Variants in TBC1D12 observed in about 807,000 individuals in gnomAD.
TBC1D12 encodes the protein TBC1 domain family, member 12.
In TBC1D12, 56 loss-of-function variants were observed where a neutral mutation model predicts 86.7. The ratio of observed to expected loss-of-function variants is 0.65; its 90% confidence interval spans 0.52 to 0.81. The LOEUF (loss-of-function observed/expected upper bound fraction) is 0.81, where lower values mean the gene tolerates loss of function less well. Among genes scored for constraint, TBC1D12 ranks in the 30% least tolerant of loss-of-function variants. The pLI is 0.00. For synonymous variants in TBC1D12, 421 were observed against 411.7 expected, an observed-to-expected ratio of 1.02 and a Z score of -0.27; for missense variants, 1,023 against 1,038.8, an observed-to-expected ratio of 0.98 and a Z score of 0.21.
Position 94,533,269 on chromosome 10 carries a change from T to C in TBC1D12, c.*173T>C, listed in dbSNP as rs1564997867. 6.3e-6 allele frequency: 3 copies of C among 473,228 alleles called. No homozygotes were observed. Among genetic ancestry groups the C allele is most frequent in the African/African-American group, 2.0e-5 (1 of 49,754 alleles). 29.3% of individuals were successfully genotyped at this position (473,228 alleles called of 1,614,324 possible). A position where few individuals can be genotyped will look rare whatever the true frequency, so the allele number is the denominator to read the frequency against. On this transcript the variant is annotated 3_prime_UTR_variant, in exon 13 of 13. Coordinates refer to ENST00000225235, the MANE Select transcript of TBC1D12 (RefSeq NM_015188.2). ...TGAAGTAAATGAAATAAGTAACTTATTGACAGTATTAATAAACTATTATTT... is the reference window on the plus strand; with the variant it reads ...TGAAGTAAATGAAATAAGTAACTTACTGACAGTATTAATAAACTATTATTT...
chr10:94,454,966 A>C (rs144905552), intron 2 of TBC1D12, among the ~76,000 whole-genome samples: 43 of 152,280 alleles, frequency 2.8e-4, no homozygotes, highest in Admixed American at 2.6e-4. Flanking sequence ...CTGACCTTAG[A>C]GAGACAGCTT....
chr10:94,448,413 A>C (rs1294344067), intron 2 of TBC1D12, among the ~76,000 whole-genome samples: 1 of 152,228 alleles, frequency 6.6e-6, no homozygotes, highest in East Asian at 1.9e-4. Context: ...TTACTGCAAA[A>C]ACAAAACAAT....
chr10:94,514,038 TCAAAAAAAAAA>T lies in TBC1D12; in HGVS notation c.1761+2396_1761+2406del, dbSNP rs1310360715. Among the ~76,000 whole-genome samples the T allele has an allele frequency of 2.6e-5, 3 of 116,906 alleles. No homozygotes were observed. The South Asian group carries it at 9.7e-4, about 38-fold the overall frequency. The allele number at this position is 116,906 out of a possible 152,430, so 76.7% of individuals were successfully genotyped here. A position where few individuals can be genotyped will look rare whatever the true frequency, so the allele number is the denominator to read the frequency against. ...TATTTGCCATGTTGTGTAATAAATC[TCAAAAAAAAAA>T]CAAAAAAAAAAAAACAGGCCAGGCA... On this transcript the variant is annotated intron_variant, in intron 9 of 12. Transcript: ENST00000225235.
Position 94,456,950 on chromosome 10 carries a change from G to A in TBC1D12, c.1095+14931G>A, listed in dbSNP as rs1020476304. On this transcript the variant is annotated intron_variant, in intron 2 of 12. Coordinates refer to ENST00000225235, the MANE Select transcript of TBC1D12 (RefSeq NM_015188.2). Reference sequence around the variant, plus strand: ...TATTCCTGATAACTTTCCTTGCTCCGAAGTCTGCTCTGTCTGAGATTACTA... The same window carrying A: ...TATTCCTGATAACTTTCCTTGCTCCAAAGTCTGCTCTGTCTGAGATTACTA... Among the ~76,000 whole-genome samples the A allele has an allele frequency of 7.2e-5, 11 of 152,104 alleles. 1 individual carries two copies. In the South Asian group the frequency reaches 1.2e-3, roughly 17 times the overall value.
intron 1 of TBC1D12, among the ~76,000 whole-genome samples, chr10:94,427,928 A>G (rs2055169300): frequency 6.6e-6 from 1 of 152,076 alleles, no homozygotes; most frequent in African/African-American, 2.4e-5. Context: ...GAAATAAGAC[A>G]TAAGGTGACT....
intron 9 of TBC1D12, among the ~76,000 whole-genome samples, chr10:94,512,152 T>A (rs1303275751): frequency 6.6e-6 from 1 of 152,246 alleles, no homozygotes; most frequent in Non-Finnish European, 1.5e-5. Context: ...CTGAATTGGC[T>A]TGCTGATTAT....
chr10:94,505,544 G>A (rs1187180610), intron 6 of TBC1D12, among the ~76,000 whole-genome samples: 2 of 152,146 alleles, frequency 1.3e-5, no homozygotes, highest in Non-Finnish European at 2.9e-5. Flanking sequence ...CTGCATTCCA[G>A]TCTGGGCAAC....
intron 2 of TBC1D12, among the ~76,000 whole-genome samples, chr10:94,468,801 G>A (rs546921596): frequency 6.0e-4 from 91 of 152,088 alleles, no homozygotes; most frequent in Non-Finnish European, 1.1e-3. Context: ...AATTTAGGCT[G>A]CTTCATAGTG....
chr10:94,481,772 A>C (rs1433323443), intron 3 of TBC1D12, among the ~76,000 whole-genome samples: 1 of 149,018 alleles, frequency 6.7e-6, no homozygotes, highest in Non-Finnish European at 1.5e-5. Flanking sequence ...GAAGAGGCCA[A>C]GTTTTGGCCT....
intron 3 of TBC1D12, among the ~76,000 whole-genome samples, chr10:94,483,270 A>T (rs2056106001): frequency 6.6e-6 from 1 of 152,132 alleles, no homozygotes; most frequent in African/African-American, 2.4e-5. Context: ...TCTTTTGGGT[A>T]TATACCTAGC....
In TBC1D12 at chr10:94,493,472, A is replaced by G. The variant is rs191377106; in HGVS notation, c.1294+25A>G. 1.9e-5 allele frequency: 29 copies of G among 1,520,002 alleles called. No homozygotes were observed. In the Admixed American group the frequency reaches 3.7e-4, roughly 19 times the overall value. 94.2% of individuals were successfully genotyped at this position (1,520,002 alleles called of 1,614,324 possible). ...GGTATAAAATTTAACTCCAAATGGT[A>G]TAATTTTCTGATTTTAATAAGAAGA... On this transcript the variant is annotated intron_variant, in intron 4 of 12. Transcript: ENST00000225235.
chr10:94,413,590 G>C (rs949905404), intron 1 of TBC1D12, among the ~76,000 whole-genome samples: 1 of 152,096 alleles, frequency 6.6e-6, no homozygotes, highest in African/African-American at 2.4e-5. Flanking sequence ...AAACCCATGT[G>C]ACTGTCTGGG....
At chr10:94,474,419 G>C (rs556130780) in intron 2 of TBC1D12, among the ~76,000 whole-genome samples, 13 of 151,084 alleles carry the variant, frequency 8.6e-5, no homozygotes, top group Non-Finnish European at 1.6e-4. Flanking sequence ...TCTTGAATTC[G>C]TGAGCTCAAG....
chr10:94,504,762 T>C (rs571541558), intron 6 of TBC1D12, among the ~76,000 whole-genome samples: 9 of 152,354 alleles, frequency 5.9e-5, no homozygotes, highest in African/African-American at 2.2e-4. Flanking sequence ...AACAGTTATT[T>C]GTGATAATAT....
At chr10:94,497,246 AT>A in intron 5 of TBC1D12, 74 bp downstream of exon 5, 1 of 798,276 alleles carries the variant, frequency 1.3e-6, no homozygotes, top group Non-Finnish European at 1.8e-6. Context: ...TTTTTAATTT[AT>A]TATTATTATA....
At chr10:94,481,407 T>G (rs2056077130) in intron 3 of TBC1D12, among the ~76,000 whole-genome samples, 1 of 151,494 alleles carries the variant, frequency 6.6e-6, no homozygotes, top group Admixed American at 6.6e-5. Context: ...GTGTATCTTC[T>G]GGATAACTTG....
At chr10:94,424,691 C>T (rs4611135) in intron 1 of TBC1D12, among the ~76,000 whole-genome samples, 56,960 of 151,934 alleles carry the variant, frequency 0.37, 11,142 homozygotes, top group East Asian at 0.7. Flanking sequence ...CATTACAGGC[C>T]CTGGGAGTAC....
chr10:94,422,423 C>T (rs1181536276), intron 1 of TBC1D12, among the ~76,000 whole-genome samples: 3 of 150,884 alleles, frequency 2.0e-5, no homozygotes, highest in South Asian at 2.1e-4. Flanking sequence ...CTCCTGACCT[C>T]GTGATCTGCC....
intron 1 of TBC1D12, among the ~76,000 whole-genome samples, chr10:94,424,013 A>G (rs1239086688): frequency 6.6e-6 from 1 of 152,244 alleles, no homozygotes; most frequent in East Asian, 1.9e-4. Flanking sequence ...CCTAAAAAAT[A>G]TAACTATTTA....
Sources: gnomAD v4.1 joint callset for allele counts (sites outside exome capture counted in the v4.1 genomes callset) on GRCh38, gnomAD v4.1.1 for gene constraint, MANE v1.5 for transcripts, NCBI Gene and HGNC (gene_info 2026-07-23, HGNC 2026-07-21) for gene names.